The following ARHGAP15 variants were observed in gnomAD, a reference collection of about 807,000 sequenced individuals.
ARHGAP15 encodes the protein rho GTPase-activating protein 15.
ARHGAP15 carries 51 observed loss-of-function variants against 63.7 expected under a neutral mutation model. That is an observed-to-expected ratio of 0.80 (90% CI 0.64 to 1.01). The LOEUF is 1.01. Among genes scored for constraint, ARHGAP15 ranks in the 50% least tolerant of loss-of-function variants. The probability of loss-of-function intolerance (pLI) is 0.00; values close to 1 mark genes in which losing one functional copy is unlikely to be tolerated. For synonymous variants in ARHGAP15, 191 were observed against 193.8 expected (o/e 0.99, Z 0.12); for missense variants, 560 against 564.6 (o/e 0.99, Z 0.08).
At chr2:143,465,945 G>T (rs1287898639) in intron 8 of ARHGAP15, among the ~76,000 whole-genome samples, 1 of 152,060 alleles carries the variant, frequency 6.6e-6, no homozygotes, top group African/African-American at 2.4e-5. Flanking sequence ...TCTGTTTAGG[G>T]ATTCATTTAA....
chr2:143,476,330 G>A (rs1001252822), intron 8 of ARHGAP15, among the ~76,000 whole-genome samples: 1 of 152,206 alleles, frequency 6.6e-6, no homozygotes, highest in African/African-American at 2.4e-5. Flanking sequence ...GGTATTGTGA[G>A]AATGCTCTTT....
rs145891331 is a variant in ARHGAP15 at position 143,555,969 on chromosome 2, G to A, written c.926-439G>A. Among the ~76,000 whole-genome samples the A allele has an allele frequency of 5.5e-3, 835 of 151,992 alleles. 9 individuals are homozygous for A. The highest frequency in any genetic ancestry group is 0.019 in the African/African-American group (772 of 41,504). On this transcript the variant is annotated intron_variant, in intron 10 of 13. Transcript: ENST00000295095. Reference sequence around the variant, plus strand: ...AGAGAAGAAAAAGAGCTGAGAAGAGGAGAGGAAGGAAAGAAGAGAGACAGA... The same window carrying A: ...AGAGAAGAAAAAGAGCTGAGAAGAGAAGAGGAAGGAAAGAAGAGAGACAGA...
chr2:143,254,318 C>T (rs1451352531), intron 6 of ARHGAP15, among the ~76,000 whole-genome samples: 1 of 151,926 alleles, frequency 6.6e-6, no homozygotes. Flanking sequence ...CTACTGTCAC[C>T]TTCTGTTTCC....
intron 6 of ARHGAP15, among the ~76,000 whole-genome samples, chr2:143,274,583 GAATT>G (rs1681450782): frequency 6.6e-6 from 1 of 152,160 alleles, no homozygotes; most frequent in Admixed American, 6.5e-5. Context: ...CAGGTTGTAT[GAATT>G]AATTCCATCA....
intron 11 of ARHGAP15, among the ~76,000 whole-genome samples, chr2:143,606,072 C>CAAAA (rs1698015321): frequency 2.3e-4 from 2 of 8,770 alleles, no homozygotes; most frequent in East Asian, 3.7e-3. Context: ...AAAAAAAAAG[C>CAAAA]CATACATCTG....
chr2:143,685,481 A>G (rs2105380153), intron 12 of ARHGAP15, among the ~76,000 whole-genome samples: 1 of 152,352 alleles, frequency 6.6e-6, no homozygotes, highest in East Asian at 1.9e-4. Context: ...GATAGAGGGC[A>G]GGGCTGCACT....
At chr2:143,695,510 T>C (rs1683802807) in intron 12 of ARHGAP15, among the ~76,000 whole-genome samples, 1 of 152,162 alleles carries the variant, frequency 6.6e-6, no homozygotes, top group East Asian at 1.9e-4. Flanking sequence ...TGGTTTCAGA[T>C]TGGTTAGTCT....
chr2:143,707,189 A>C lies in ARHGAP15; in HGVS notation c.1244+3665A>C, dbSNP rs574431911. Reference sequence around the variant, plus strand: ...AGGTAGAAAGAGGAGAGAACCCAGGAGGTCCCAGGGGAGTTGCAATTGGAT... The same window carrying C: ...AGGTAGAAAGAGGAGAGAACCCAGGCGGTCCCAGGGGAGTTGCAATTGGAT... On this transcript the variant is annotated intron_variant, in intron 13 of 13. Transcript: ENST00000295095. Among the ~76,000 whole-genome samples the C allele has an allele frequency of 2.0e-5, 3 of 152,302 alleles. No homozygotes were observed. The South Asian group carries it at 6.2e-4, about 32-fold the overall frequency.
chr2:143,416,812 TCCCCCACC>T (rs1688700230), intron 6 of ARHGAP15, among the ~76,000 whole-genome samples: 1 of 69,310 alleles, frequency 1.4e-5, no homozygotes, highest in African/African-American at 4.9e-5. Flanking sequence ...GCCTGCCACT[TCCCCCACC>T]ACCCCCCCAC....
intron 9 of ARHGAP15, among the ~76,000 whole-genome samples, chr2:143,517,947 A>C (rs1559023348): frequency 6.6e-6 from 1 of 152,220 alleles, no homozygotes; most frequent in African/African-American, 2.4e-5. Context: ...TAATTAGTGG[A>C]GGTCAGATTA....
chr2:143,539,370 T>C (rs1164858388), intron 10 of ARHGAP15, among the ~76,000 whole-genome samples: 4 of 151,996 alleles, frequency 2.6e-5, no homozygotes, highest in Non-Finnish European at 5.9e-5. Flanking sequence ...TTTTTGTGTC[T>C]CTATTTCCTT....
chr2:143,633,194 TGTGTGCAC>T (rs1377320862), intron 12 of ARHGAP15, among the ~76,000 whole-genome samples: 3 of 152,200 alleles, frequency 2.0e-5, no homozygotes, highest in Non-Finnish European at 2.9e-5. Flanking sequence ...AATGTGTGTG[TGTGTGCAC>T]GTGTGCACGC....
chr2:143,445,675 C>A (rs1471395579), intron 8 of ARHGAP15, among the ~76,000 whole-genome samples: 1 of 152,060 alleles, frequency 6.6e-6, no homozygotes, highest in Non-Finnish European at 1.5e-5. Flanking sequence ...AGGGTTATCT[C>A]TTTACAAAGT....
intron 2 of ARHGAP15, among the ~76,000 whole-genome samples, 199 bp downstream of exon 2, chr2:143,155,854 G>C (rs532930816): frequency 7.9e-5 from 12 of 151,992 alleles, no homozygotes; most frequent in African/African-American, 2.9e-4. Context: ...TTAATCCAGA[G>C]TGATAAAGTG....
intron 6 of ARHGAP15, among the ~76,000 whole-genome samples, chr2:143,413,966 T>TGTGTGTGCGCGCGCGCGCGCGCGCGC: frequency 1.0e-4 from 12 of 117,904 alleles, no homozygotes; most frequent in South Asian, 3.2e-4. Context: ...TGTGTGTGTG[T>TGTGTGTGCGCGCGCGCGCGCGCGCGC]GCGCGCTCTC....
chr2:143,561,147 T>G (rs1696003641), intron 11 of ARHGAP15, among the ~76,000 whole-genome samples: 1 of 152,198 alleles, frequency 6.6e-6, no homozygotes, highest in Admixed American at 6.5e-5. Flanking sequence ...GTCTTGGAAA[T>G]TCCCCTAGGC....
intron 8 of ARHGAP15, among the ~76,000 whole-genome samples, chr2:143,472,821 T>C (rs1691640160): frequency 6.6e-6 from 1 of 152,190 alleles, no homozygotes; most frequent in Non-Finnish European, 1.5e-5. Context: ...AAGATCTTTT[T>C]ATCCTTATTA....
chr2:143,250,940 A>G (rs763023892), intron 6 of ARHGAP15, among the ~76,000 whole-genome samples: 1 of 152,036 alleles, frequency 6.6e-6, no homozygotes, highest in Non-Finnish European at 1.5e-5. Flanking sequence ...ATGCACACAA[A>G]CTAAGACTCA....
chr2:143,459,626 T>C (rs116202179), intron 8 of ARHGAP15, among the ~76,000 whole-genome samples: 308 of 152,222 alleles, frequency 2.0e-3, no homozygotes, highest in Middle Eastern at 3.4e-3. Flanking sequence ...GCCTTAGAAA[T>C]ATGTGTACTC....
Sources: gnomAD v4.1 joint callset for allele counts (sites outside exome capture counted in the v4.1 genomes callset) on GRCh38, gnomAD v4.1.1 for gene constraint, MANE v1.5 for transcripts, NCBI Gene and HGNC (gene_info 2026-07-23, HGNC 2026-07-21) for gene names.